SSH2: variants seen among roughly 807,000 people sequenced by gnomAD.
SSH2 encodes protein phosphatase Slingshot homolog 2.
A neutral mutation model predicts 135.2 loss-of-function variants in SSH2; 37 were observed. The ratio of observed to expected loss-of-function variants is 0.27; its 90% CI spans 0.21 to 0.36. The LOEUF is 0.36. Among genes scored for constraint, SSH2 ranks in the 10% least tolerant of loss-of-function variants. SSH2 has a pLI of 1.00. For missense variants in SSH2, 1,408 were observed against 1,765.3 expected (o/e 0.80, Z 3.63); for synonymous variants, 628 against 646.2 (o/e 0.97, Z 0.43).
intron 3 of SSH2, among the ~76,000 whole-genome samples, chr17:29,769,578 T>C (rs2041522438): frequency 6.6e-6 from 1 of 152,206 alleles, no homozygotes; most frequent in Admixed American, 6.5e-5. Context: ...CACAACATCC[T>C]ACATGAAGGA....
chr17:29,758,359 AACTACTT>A, intron 3 of SSH2, among the ~76,000 whole-genome samples: 1 of 152,300 alleles, frequency 6.6e-6, no homozygotes, highest in East Asian at 1.9e-4. Flanking sequence ...GGCCTTGAGC[AACTACTT>A]ACCTTCTCTA....
intron 8 of SSH2, 79 bp from the exon 9 acceptor site, chr17:29,672,208 C>T (rs2037524349): frequency 1.9e-6 from 2 of 1,070,688 alleles, no homozygotes; most frequent in Non-Finnish European, 2.7e-6. Context: ...CCAAACTCTT[C>T]TAATTTTTAA....
chr17:29,816,501 C>T (rs892356564), intron 2 of SSH2, among the ~76,000 whole-genome samples: 4 of 151,946 alleles, frequency 2.6e-5, no homozygotes, highest in African/African-American at 7.3e-5. Context: ...TAAAATCAAG[C>T]CTGTGTTTAA....
rs1344790702 is a variant in SSH2 at position 29,895,732 on chromosome 17, C to T, written c.63+34206G>A. 5.9e-5 allele frequency among the ~76,000 whole-genome samples: 5 copies of T among 84,198 alleles called. 1 individual carries two copies. Among genetic ancestry groups the T allele is most frequent in the South Asian group, 8.4e-4 (2 of 2,378 alleles). 55.2% of individuals were successfully genotyped at this position (84,198 alleles called of 152,430 possible). A position where few individuals can be genotyped will look rare whatever the true frequency, so the allele number is the denominator to read the frequency against. ...ATATATAAAATATATTTTATATACA[C>T]ATTTCATATATAAAATGTATTTTAT... On this transcript the variant is annotated intron_variant, in intron 1 of 15. Coordinates refer to ENST00000540801, the MANE Select transcript of SSH2 (RefSeq NM_001282129.2).
intron 3 of SSH2, among the ~76,000 whole-genome samples, chr17:29,704,047 A>G (rs1224837379): frequency 2.0e-5 from 3 of 152,222 alleles, no homozygotes; most frequent in Non-Finnish European, 2.9e-5. Flanking sequence ...TAAAGAGCCA[A>G]TGAGAACAGA....
chr17:29,851,221 T>C (rs2065552464), intron 1 of SSH2, among the ~76,000 whole-genome samples: 1 of 152,254 alleles, frequency 6.6e-6, no homozygotes, highest in Admixed American at 6.5e-5. Context: ...TTTTCAATCT[T>C]CCCAAGCTCT....
At chr17:29,792,960 C>G (rs1366807498) in intron 3 of SSH2, among the ~76,000 whole-genome samples, 1 of 152,164 alleles carries the variant, frequency 6.6e-6, no homozygotes, top group Non-Finnish European at 1.5e-5. Context: ...AGGCGTGAGC[C>G]ACCGCGCCCG....
chr17:29,804,849 T>A (rs1381616241), intron 2 of SSH2, among the ~76,000 whole-genome samples: 1 of 148,134 alleles, frequency 6.8e-6, no homozygotes, highest in Non-Finnish European at 1.5e-5. Flanking sequence ...CTGGCTTTTT[T>A]TTTTTTTTTT....
chr17:29,897,705 A>C (rs2066470525), intron 1 of SSH2, among the ~76,000 whole-genome samples: 1 of 152,176 alleles, frequency 6.6e-6, no homozygotes, highest in Non-Finnish European at 1.5e-5. Flanking sequence ...CACTGTCAAC[A>C]TTAGACAGAT....
intron 3 of SSH2, among the ~76,000 whole-genome samples, chr17:29,770,146 C>T (rs1284073957): frequency 1.5e-5 from 2 of 135,626 alleles, no homozygotes; most frequent in Admixed American, 1.6e-4. Flanking sequence ...ATTACCCAGG[C>T]TGGAGTACAG....
At chr17:29,744,050 G>A (rs976581460) in intron 3 of SSH2, among the ~76,000 whole-genome samples, 1 of 151,944 alleles carries the variant, frequency 6.6e-6, no homozygotes, top group Non-Finnish European at 1.5e-5. Context: ...TCACAAGAGC[G>A]GGCCGTATTC....
chr17:29,785,666 A>G (rs1180334878), intron 3 of SSH2, among the ~76,000 whole-genome samples: 1 of 146,572 alleles, frequency 6.8e-6, no homozygotes, highest in East Asian at 2.0e-4. Flanking sequence ...CGCTCAACTA[A>G]TTTTTGTATT....
intron 3 of SSH2, among the ~76,000 whole-genome samples, chr17:29,717,383 AC>A (rs2039661881): frequency 1.3e-5 from 2 of 152,216 alleles, no homozygotes; most frequent in Admixed American, 6.5e-5. Flanking sequence ...CAATCCTCCC[AC>A]TTTGGCCTCC....
chr17:29,738,392 G>C (rs1395559720), intron 3 of SSH2, among the ~76,000 whole-genome samples: 1 of 152,100 alleles, frequency 6.6e-6, no homozygotes, highest in Admixed American at 6.5e-5. Context: ...AAACATACGT[G>C]TGCATGTGTC....
At chr17:29,689,109 G>A (rs1297706959) in intron 5 of SSH2, among the ~76,000 whole-genome samples, 2 of 151,188 alleles carry the variant, frequency 1.3e-5, no homozygotes, top group Non-Finnish European at 2.9e-5. Flanking sequence ...AGTAGGTTGA[G>A]ATCACGCCAC....
intron 1 of SSH2, among the ~76,000 whole-genome samples, chr17:29,861,860 C>T (rs773691373): frequency 1.3e-5 from 2 of 152,246 alleles, no homozygotes; most frequent in Non-Finnish European, 2.9e-5. Context: ...CCATAATCTT[C>T]GTCTTTGAAG....
intron 3 of SSH2, chr17:29,761,271 G>A (rs780545383): frequency 1.6e-6 from 2 of 1,288,216 alleles, no homozygotes; most frequent in South Asian, 2.5e-5. Context: ...AACGTGCTCA[G>A]GGTCATGGGG....
At chr17:29,753,524 C>T (rs998535488) in intron 3 of SSH2, among the ~76,000 whole-genome samples, 5 of 150,800 alleles carry the variant, frequency 3.3e-5, no homozygotes, top group East Asian at 2.0e-4. Context: ...TGGCCAGGTG[C>T]GGTGCCTCAC....
intron 3 of SSH2, among the ~76,000 whole-genome samples, chr17:29,758,587 C>T (rs2151248395): frequency 6.6e-6 from 1 of 152,198 alleles, no homozygotes; most frequent in South Asian, 2.1e-4. Flanking sequence ...GGGGTAAAAA[C>T]CACTGTATCC....
Sources: allele counts gnomAD v4.1 joint callset (sites outside exome capture counted in the v4.1 genomes callset), GRCh38; gene constraint gnomAD v4.1.1; transcripts MANE v1.5; gene names NCBI Gene and HGNC (gene_info 2026-07-23, HGNC 2026-07-21).